GLI3: variants seen among roughly 807,000 people sequenced by gnomAD.
GLI3 encodes the protein transcription activator GLI3.
In GLI3, 20 loss-of-function variants were observed where a neutral mutation model predicts 100.8. That is an observed-to-expected ratio of 0.20 (90% CI 0.14 to 0.29). The LOEUF is 0.29. Ranked by LOEUF, GLI3 falls within the 10% of genes least tolerant of loss-of-function variation. The pLI is 1.00. For missense variants in GLI3, 2,040 were observed against 2,128.5 expected, an observed-to-expected ratio of 0.96 and a Z score of 0.82; for synonymous variants, 938 against 860.5, an observed-to-expected ratio of 1.09 and a Z score of -1.58.
At chr7:42,246,031 T>C (rs1788967301) in intron 1 of GLI3, among the ~76,000 whole-genome samples, 1 of 152,094 alleles carries the variant, frequency 6.6e-6, no homozygotes, top group Admixed American at 6.5e-5. Flanking sequence ...GAAAAATTGC[T>C]CTCAAGTTTG....
chr7:42,225,304 G>A (rs920877719), intron 1 of GLI3, among the ~76,000 whole-genome samples: 1 of 152,082 alleles, frequency 6.6e-6, no homozygotes, highest in Non-Finnish European at 1.5e-5. Flanking sequence ...GTTAGCAAGC[G>A]TTACTAATTG....
Position 42,026,188 on chromosome 7 carries a change from G to A in GLI3, c.1242+11C>T, listed in dbSNP as rs1789107047. 10 of 1,600,954 alleles carry A rather than the reference G, an allele frequency of 6.2e-6. No individual in the cohort carries two copies. The highest frequency in any genetic ancestry group is 8.5e-6 in the Non-Finnish European group (10 of 1,170,290). ...CCAGCACGGCCGGGTGCATCGACCT[G>A]TCCCTCTCACCTGTGAGGACTCAGA... is the stretch of plus-strand genomic sequence containing the variant. On this transcript the variant is annotated intron_variant, in intron 8 of 14. Coordinates refer to ENST00000395925, the MANE Select transcript of GLI3 (RefSeq NM_000168.6).
intron 7 of GLI3, 144 bp from the exon 8 acceptor site, chr7:42,026,556 C>G: frequency 1.4e-6 from 1 of 715,198 alleles, no homozygotes. Flanking sequence ...TGCCAAGCAT[C>G]TTGAAAACTT....
chr7:41,994,718 G>A (rs1165283102), intron 10 of GLI3, among the ~76,000 whole-genome samples: 2 of 152,240 alleles, frequency 1.3e-5, no homozygotes, highest in Non-Finnish European at 2.9e-5. Context: ...TCCTCAAGAA[G>A]TGCTAATTTA....
At chr7:42,126,950 A>G (rs1158032690) in intron 3 of GLI3, among the ~76,000 whole-genome samples, 2 of 152,192 alleles carry the variant, frequency 1.3e-5, no homozygotes, top group African/African-American at 4.8e-5. Flanking sequence ...AGAAAAACCC[A>G]ATGACGAGCG....
chr7:42,194,155 A>G (rs1311544199), intron 2 of GLI3, among the ~76,000 whole-genome samples: 1 of 152,212 alleles, frequency 6.6e-6, no homozygotes, highest in Non-Finnish European at 1.5e-5. Flanking sequence ...GCTTGCAGAA[A>G]AACCTTTCAG....
At chr7:42,188,581 A>T (rs1787765337) in intron 2 of GLI3, among the ~76,000 whole-genome samples, 2 of 152,232 alleles carry the variant, frequency 1.3e-5, no homozygotes, top group South Asian at 4.1e-4. Flanking sequence ...TTTATTCATA[A>T]TTGCCAAAAC....
intron 2 of GLI3, chr7:42,172,640 T>C: frequency 2.8e-6 from 2 of 702,970 alleles, no homozygotes; most frequent in Non-Finnish European, 5.2e-6. Flanking sequence ...CGCGGATGCA[T>C]CCAATCCTCC....
intron 2 of GLI3, among the ~76,000 whole-genome samples, chr7:42,202,338 TCTCTCTCTCACACACA>T (rs1788058072): frequency 2.8e-5 from 1 of 35,158 alleles, no homozygotes; most frequent in Non-Finnish European, 7.7e-5. Context: ...TCTCTCTCTC[TCTCTCTCTCACACACA>T]CACACACACA....
intron 3 of GLI3, among the ~76,000 whole-genome samples, chr7:42,138,310 T>C (rs1786480073): frequency 2.0e-5 from 3 of 152,338 alleles, no homozygotes; most frequent in South Asian, 4.1e-4. Flanking sequence ...TCCCACATCA[T>C]CGATCTGTGG....
chr7:42,234,617 T>G (rs1015918673), intron 1 of GLI3, among the ~76,000 whole-genome samples: 10 of 152,198 alleles, frequency 6.6e-5, no homozygotes, highest in African/African-American at 2.4e-4. Flanking sequence ...CACAAGCATG[T>G]TAAAGGCACT....
At chr7:42,032,306 A>T (rs1307774323) in intron 7 of GLI3, among the ~76,000 whole-genome samples, 1 of 152,202 alleles carries the variant, frequency 6.6e-6, no homozygotes, top group Non-Finnish European at 1.5e-5. Flanking sequence ...AAACCTGGAA[A>T]TACATAATCA....
At chr7:42,137,415 C>T (rs1248450288) in intron 3 of GLI3, among the ~76,000 whole-genome samples, 2 of 152,188 alleles carry the variant, frequency 1.3e-5, no homozygotes, top group African/African-American at 2.4e-5. Context: ...TGTCCCAACC[C>T]CTGGCCAATG....
chr7:42,044,899 G>A (rs375919281), intron 6 of GLI3, among the ~76,000 whole-genome samples: 94 of 151,990 alleles, frequency 6.2e-4, no homozygotes, highest in Middle Eastern at 3.4e-3. Context: ...AATTTTTTTG[G>A]TTTGGGGAGA....
At chr7:42,213,494 T>C (rs1221238533) in intron 2 of GLI3, among the ~76,000 whole-genome samples, 1 of 152,204 alleles carries the variant, frequency 6.6e-6, no homozygotes, top group Non-Finnish European at 1.5e-5. Flanking sequence ...AGGTGATCAA[T>C]GATTTCATTA....
rs939096853 is a variant in GLI3, at chr7:42,103,092, T to G, written c.368-26235A>C. On this transcript the variant is annotated intron_variant, in intron 3 of 14. Transcript: ENST00000395925. ...TCCGGCTGAGGGTCTCTCAGGAGGC[T>G]GCAGTCACCTCAAGGCCTGACTGGG... Among the ~76,000 whole-genome samples, 15 of 151,490 alleles carry G rather than the reference T, an allele frequency of 9.9e-5. No individual in the cohort carries two copies. In the East Asian group the frequency reaches 2.7e-3, roughly 28 times the overall value.
At chr7:42,063,537 C>A (rs1456595634) in intron 4 of GLI3, among the ~76,000 whole-genome samples, 1 of 152,078 alleles carries the variant, frequency 6.6e-6, no homozygotes, top group Non-Finnish European at 1.5e-5. Flanking sequence ...TAAAAGATAC[C>A]TGGAACTTCC....
At chr7:42,016,584 G>A (rs1296749111) in intron 10 of GLI3, among the ~76,000 whole-genome samples, 1 of 152,150 alleles carries the variant, frequency 6.6e-6, no homozygotes, top group Non-Finnish European at 1.5e-5. Flanking sequence ...AGCAGGCCGT[G>A]AACCCAGGTC....
At chr7:42,257,677 A>G (rs1229788962) in intron 1 of GLI3, among the ~76,000 whole-genome samples, 1 of 151,986 alleles carries the variant, frequency 6.6e-6, no homozygotes, top group Non-Finnish European at 1.5e-5. Flanking sequence ...ATGCTGTTAG[A>G]TGTGGATATT....
Sources: allele counts gnomAD v4.1 joint callset (sites outside exome capture counted in the v4.1 genomes callset), GRCh38; gene constraint gnomAD v4.1.1; transcripts MANE v1.5; gene names NCBI Gene and HGNC (gene_info 2026-07-23, HGNC 2026-07-21).